Variants in EVC observed in about 807,000 individuals in gnomAD.
EVC encodes EvC ciliary complex subunit 1, also known as evC complex member EVC.
Under a neutral mutation model 118.9 loss-of-function variants are expected in EVC, and 116 were observed. The observed-to-expected ratio is 0.98, with a 90% CI of 0.84 to 1.14. EVC has a LOEUF of 1.14. Among genes scored for constraint, EVC ranks in the 50% most tolerant of loss-of-function variants. The probability of loss-of-function intolerance (pLI) is 0.00; values close to 1 mark genes in which losing one functional copy is unlikely to be tolerated. For synonymous variants in EVC, 619 were observed against 534.7 expected, an observed-to-expected ratio of 1.16 and a Z score of -2.18; for missense variants, 1,401 against 1,246.4, an observed-to-expected ratio of 1.12 and a Z score of -1.87.
rs994812 is a variant in EVC, at chr4:5,743,665, A to G, written c.802-1539A>G. ...ACTCCACTGGATTCCATGAGGAAGG[A>G]TGACTCACTGCATCCCAGGAAGGAG... On this transcript the variant is annotated intron_variant, in intron 6 of 20. Coordinates refer to ENST00000264956, the MANE Select transcript of EVC (RefSeq NM_153717.3). The surrounding 1 kb of genome is among the most constrained non-coding windows in gnomAD (Gnocchi z 4.7). Among the ~76,000 whole-genome samples, 47,038 of 152,036 alleles carry G rather than the reference A, an allele frequency of 0.31. 8,597 individuals are homozygous for G. The highest frequency in any genetic ancestry group is 0.52 in the African/African-American group (21,394 of 41,438).
chr4:5,735,217 G>C (rs1008483136), intron 5 of EVC, among the ~76,000 whole-genome samples: 9 of 152,216 alleles, frequency 5.9e-5, no homozygotes, highest in Non-Finnish European at 1.0e-4. Context: ...CATGGCAAAG[G>C]CCTGTGACAA....
chr4:5,759,350 G>A (rs138173502), intron 11 of EVC, among the ~76,000 whole-genome samples: 1 of 152,126 alleles, frequency 6.6e-6, no homozygotes, highest in African/African-American at 2.4e-5. Flanking sequence ...CAAGGACATG[G>A]TCACTTCCTT....
the EVC span, chr4:5,824,428 A>G: frequency 1.1e-5 from 11 of 985,274 alleles, no homozygotes; most frequent in Middle Eastern, 1.0e-3. Context: ...TGAATCAGAC[A>G]CTTCCTGAAT....
chr4:5,820,738 A>C, the EVC span: 10 of 152,128 alleles, frequency 6.6e-5, no homozygotes, highest in African/African-American at 2.4e-4. Context: ...AAGCATTCGT[A>C]CCCAATCCAG....
chr4:5,778,650 G>A (rs1443222430), intron 11 of EVC, among the ~76,000 whole-genome samples: 1 of 152,128 alleles, frequency 6.6e-6, no homozygotes, highest in Non-Finnish European at 1.5e-5. Context: ...TTTGAGAAGT[G>A]TCTGTTCATG....
chr4:5,777,728 C>T (rs1423379578), intron 11 of EVC, among the ~76,000 whole-genome samples: 2 of 152,146 alleles, frequency 1.3e-5, no homozygotes, highest in African/African-American at 2.4e-5. Context: ...ATGTGGGTTC[C>T]ATATGCCCTT....
At chr4:5,732,219 G>A (rs935856588) in intron 4 of EVC, among the ~76,000 whole-genome samples, 1 of 152,192 alleles carries the variant, frequency 6.6e-6, no homozygotes, top group Non-Finnish European at 1.5e-5. Flanking sequence ...CCAGAGCAGG[G>A]CTCCGCACGT....
chr4:5,780,124 G>T (rs1053031457), intron 11 of EVC, among the ~76,000 whole-genome samples: 2 of 152,122 alleles, frequency 1.3e-5, no homozygotes, highest in Admixed American at 1.3e-4. Flanking sequence ...CTTTGGTTCT[G>T]TTTATATGCT....
At chr4:5,751,469 C>T (rs1460823835) in intron 8 of EVC, among the ~76,000 whole-genome samples, 1 of 152,240 alleles carries the variant, frequency 6.6e-6, no homozygotes, top group African/African-American at 2.4e-5. Context: ...CTGGCACCTC[C>T]GCTTATCCTC....
At position 5,798,419 on chromosome 4, in the gene EVC, C is replaced by G. The variant is rs1714368178; in HGVS notation, c.2098-167C>G. 6.6e-6 allele frequency among the ~76,000 whole-genome samples: 1 copy of G among 151,838 alleles called. No homozygotes were observed. Among genetic ancestry groups the G allele is most frequent in the Non-Finnish European group, 1.5e-5 (1 of 67,938 alleles). ...CACAGACACCTAACAGACACCTAAC[C>G]TCATCCATTGATTTTTGCAAGCCCA... is the stretch of plus-strand genomic sequence containing the variant. On this transcript the variant is annotated intron_variant, in intron 14 of 20. Transcript: ENST00000264956. The surrounding 1 kb of genome is among the most constrained non-coding windows in gnomAD (Gnocchi z 4.1).
chr4:5,816,607 C>A (rs561682821), downstream of EVC, among the ~76,000 whole-genome samples: 17 of 149,248 alleles, frequency 1.1e-4, no homozygotes, highest in African/African-American at 4.0e-4. Context: ...TTCCTTACCC[C>A]CTCTGTCCTT....
chr4:5,713,057 C>T (rs1486667559), intron 1 of EVC, among the ~76,000 whole-genome samples: 1 of 152,210 alleles, frequency 6.6e-6, no homozygotes, highest in East Asian at 1.9e-4. Flanking sequence ...TAAGTATCTG[C>T]TACCTGGTGA....
intron 12 of EVC, among the ~76,000 whole-genome samples, chr4:5,790,180 C>CAAAAAAAAAAAAAAAAA (rs35158259): frequency 6.2e-5 from 7 of 112,226 alleles, no homozygotes; most frequent in African/African-American, 1.4e-4. Flanking sequence ...GACTCCATCT[C>CAAAAAAAAAAAAAAAAA]AAAAAAAAAA....
At chr4:5,779,837 T>C (rs1269596560) in intron 11 of EVC, among the ~76,000 whole-genome samples, 30 of 144,500 alleles carry the variant, frequency 2.1e-4, no homozygotes, top group Non-Finnish European at 3.8e-4. Flanking sequence ...CTTTATTTCC[T>C]TCTCCTGCCT....
chr4:5,757,795 G>A (rs557635829), intron 11 of EVC, among the ~76,000 whole-genome samples: 81 of 152,196 alleles, frequency 5.3e-4, no homozygotes, highest in African/African-American at 1.9e-3. Flanking sequence ...ACAGCCACAT[G>A]GGATATTGGA....
At chr4:5,794,201 T>C (rs895097643) in intron 13 of EVC, among the ~76,000 whole-genome samples, 57 of 134,430 alleles carry the variant, frequency 4.2e-4, no homozygotes, top group African/African-American at 1.5e-3. Flanking sequence ...GGAAAGTATT[T>C]TTTTCCTTCT....
chr4:5,741,313 T>C (rs1281241265), intron 5 of EVC, among the ~76,000 whole-genome samples: 1 of 152,226 alleles, frequency 6.6e-6, no homozygotes, highest in African/African-American at 2.4e-5. Flanking sequence ...GAGACTGACA[T>C]GGATAACTTT....
rs528681917 is a variant in EVC, at chr4:5,738,478, G to A, written c.703-3238G>A. Among the ~76,000 whole-genome samples the A allele has an allele frequency of 1.3e-5, 2 of 152,084 alleles. No individual in the cohort carries two copies. The highest frequency in any genetic ancestry group is 2.9e-5 in the Non-Finnish European group (2 of 68,032). On this transcript the variant is annotated intron_variant, in intron 5 of 20. Transcript: ENST00000264956. This position sits in a 1 kb window ranked among gnomAD's most constrained non-coding sequence, Gnocchi z 6.5. Reference sequence around the variant, plus strand: ...TGTGAAAGGAAGAGTCAGCTGATGTGGCCCACTTCAGAGTGGTCTTATTTT... The same window carrying A: ...TGTGAAAGGAAGAGTCAGCTGATGTAGCCCACTTCAGAGTGGTCTTATTTT...
At chr4:5,793,092 C>CT (rs1218338643) in intron 12 of EVC, among the ~76,000 whole-genome samples, 1 of 152,094 alleles carries the variant, frequency 6.6e-6, no homozygotes, top group Non-Finnish European at 1.5e-5. Flanking sequence ...GCTCAGGCAG[C>CT]TTTGAACAAG....
Sources: allele counts gnomAD v4.1 joint callset (sites outside exome capture counted in the v4.1 genomes callset), GRCh38; gene constraint gnomAD v4.1.1; non-coding constraint Gnocchi (gnomAD v3.1); transcripts MANE v1.5; gene names NCBI Gene and HGNC (gene_info 2026-07-23, HGNC 2026-07-21).